The following SLC15A2 variants were observed in gnomAD, a reference collection of about 807,000 sequenced individuals.
SLC15A2 encodes kidney H(+)/peptide cotransporter.
SLC15A2 carries 77 observed loss-of-function variants against 95.5 expected under a neutral mutation model. That is an observed-to-expected ratio of 0.81 (90% CI 0.67 to 0.97). The LOEUF is 0.97. SLC15A2 is among the 50% of genes least tolerant of loss of function. The pLI, the probability that SLC15A2 is intolerant of heterozygous loss-of-function variation, is 0.00. For missense variants in SLC15A2, 893 were observed against 874.4 expected (o/e 1.02, Z -0.27); for synonymous variants, 306 against 306.9 (o/e 1.00, Z 0.03).
At chr3:121,914,495 T>G (rs948528056) in intron 5 of SLC15A2, among the ~76,000 whole-genome samples, 2 of 152,202 alleles carry the variant, frequency 1.3e-5, no homozygotes, top group Non-Finnish European at 2.9e-5. Context: ...CGTTAAGCAC[T>G]AGGTGAACTA....
rs752943810 is a variant in SLC15A2 at position 121,897,414 on chromosome 3, T to C, written c.220T>C (p.Phe74Leu). Residue 74 changes from phenylalanine (F) to leucine (L), a missense_variant, in exon 3 of 22, where the codon TTC becomes CTC. Transcript: ENST00000489711. ...TGTGCTGATCCTGTATTTCCTGTAT[T>C]TCCTGCACTGGAATGAAGATACCTC... is the stretch of plus-strand genomic sequence containing the variant. ...KAVLILYFLY[F>L]LHWNEDTSTS... is the part of the protein sequence containing the mutation. 1 of 1,614,038 alleles carries C rather than the reference T, an allele frequency of 6.2e-7. No homozygotes were observed. The highest frequency in any genetic ancestry group is 8.5e-7 in the Non-Finnish European group (1 of 1,180,008).
At position 121,925,990 on chromosome 3, in the gene SLC15A2, C is replaced by T. The variant is rs116427610; in HGVS notation, c.1124+957C>T. Reference sequence around the variant, plus strand: ...CATTATTTTTGGTGTTATGACATAGCGAATAGAAAAACCATCATAAGCAAA... The same window carrying T: ...CATTATTTTTGGTGTTATGACATAGTGAATAGAAAAACCATCATAAGCAAA... On this transcript the variant is annotated intron_variant, in intron 13 of 21. Transcript: ENST00000489711. Among the ~76,000 whole-genome samples the T allele has an allele frequency of 4.1e-3, 618 of 151,320 alleles. 6 individuals carry two copies. The highest frequency in any genetic ancestry group is 0.014 in the African/African-American group (587 of 41,226).
Position 121,941,013 on chromosome 3 carries a change from C to G in SLC15A2, c.*6C>G, listed in dbSNP as rs1920313. The G allele has an allele frequency of 1.2e-6, 2 of 1,611,388 alleles. No individual in the cohort carries two copies. Among genetic ancestry groups the G allele is most frequent in the East Asian group, 4.5e-5 (2 of 44,884 alleles). On this transcript the variant is annotated 3_prime_UTR_variant, in exon 22 of 22. Transcript: ENST00000489711. ...CCAAGAAGACAAAACTCTGATGACTCCCTAGATTCTGTCCTGACCCCAATT... is the reference window on the plus strand; with the variant it reads ...CCAAGAAGACAAAACTCTGATGACTGCCTAGATTCTGTCCTGACCCCAATT...
chr3:121,904,501 T>G (rs1245051535), intron 3 of SLC15A2, among the ~76,000 whole-genome samples: 3 of 152,216 alleles, frequency 2.0e-5, no homozygotes, highest in Non-Finnish European at 2.9e-5. Flanking sequence ...CATAGATAGC[T>G]CTTATTATTT....
chr3:121,907,037 C>T (rs1212091257), intron 3 of SLC15A2, among the ~76,000 whole-genome samples: 1 of 152,114 alleles, frequency 6.6e-6, no homozygotes, highest in Non-Finnish European at 1.5e-5. Context: ...TTCTTTGAGG[C>T]TTTGTTCATT....
At chr3:121,911,068 G>A (rs1325770211) in intron 3 of SLC15A2, among the ~76,000 whole-genome samples, 1 of 152,194 alleles carries the variant, frequency 6.6e-6, no homozygotes, top group Non-Finnish European at 1.5e-5. Context: ...TGCTTCTTGA[G>A]TTTTGAGGAA....
At chr3:121,900,256 A>G (rs1237813882) in intron 3 of SLC15A2, among the ~76,000 whole-genome samples, 1 of 152,088 alleles carries the variant, frequency 6.6e-6, no homozygotes, top group Non-Finnish European at 1.5e-5. Flanking sequence ...TCAGTTATCA[A>G]ATTCTACCAA....
rs1354798786 is a variant in SLC15A2, at chr3:121,941,968, T to C, written c.*961T>C. ...CAACAATGTTTCTATAAGTCCAACTTCCTTTATTAATGTTTCCATTTAGCC... is the reference window on the plus strand; with the variant it reads ...CAACAATGTTTCTATAAGTCCAACTCCCTTTATTAATGTTTCCATTTAGCC... On this transcript the variant is annotated 3_prime_UTR_variant, in exon 22 of 22. Transcript: ENST00000489711. The C allele has an allele frequency of 6.6e-6, 1 of 152,240 alleles. No homozygotes were observed. Among genetic ancestry groups the C allele is most frequent in the Non-Finnish European group, 1.5e-5 (1 of 68,040 alleles). The allele number at this position is 152,240 out of a possible 1,614,324, so 9.4% of individuals were successfully genotyped here.
intron 5 of SLC15A2, 106 bp from the exon 6 acceptor site, chr3:121,915,121 A>G (rs1709859988): frequency 9.0e-7 from 1 of 1,112,556 alleles, no homozygotes; most frequent in African/African-American, 1.6e-5. Context: ...TGGAGGCAAT[A>G]TCTGAATCTT....
At chr3:121,926,747 C>A (rs1472729394) in intron 13 of SLC15A2, among the ~76,000 whole-genome samples, 2 of 152,236 alleles carry the variant, frequency 1.3e-5, no homozygotes, top group Non-Finnish European at 2.9e-5. Context: ...ATGATAGACC[C>A]ACTGGCAGCT....
At position 121,940,944 on chromosome 3, in the gene SLC15A2, T is replaced by C. The variant is rs140000239; in HGVS notation, c.2127T>C (p.Asp709=). The C allele has an allele frequency of 2.2e-5, 36 of 1,614,078 alleles. No homozygotes were observed. Among genetic ancestry groups the C allele is most frequent in the African/African-American group, 5.3e-5 (4 of 74,948 alleles). ...VKTEDMRGPA[D]KHIPHIQGNM... ...CAGAGGATATGCGGGGTCCAGCAGATAAGCACATTCCTCACATCCAGGGGA... is the reference window on the plus strand; with the variant it reads ...CAGAGGATATGCGGGGTCCAGCAGACAAGCACATTCCTCACATCCAGGGGA... The change falls in exon 22 of 22, where the codon GAT becomes GAC. Residue 709 remains aspartate (D), a synonymous_variant. Coordinates refer to ENST00000489711, the MANE Select transcript of SLC15A2 (RefSeq NM_021082.4).
At chr3:121,938,824 A>G (rs1710403372) in intron 19 of SLC15A2, among the ~76,000 whole-genome samples, 1 of 152,208 alleles carries the variant, frequency 6.6e-6, no homozygotes, top group Non-Finnish European at 1.5e-5. Flanking sequence ...CCTGGCCAAA[A>G]GCAGCAACAC....
At chr3:121,918,523 T>C (rs972421679) in intron 7 of SLC15A2, among the ~76,000 whole-genome samples, 11 of 148,372 alleles carry the variant, frequency 7.4e-5, no homozygotes, top group Non-Finnish European at 1.5e-4. Flanking sequence ...CAATAAACCA[T>C]GAAATGAAGA....
chr3:121,923,156 C>T (rs567122105), intron 10 of SLC15A2, 27 bp downstream of exon 10: 64 of 1,612,594 alleles, frequency 4.0e-5, no homozygotes, highest in South Asian at 1.2e-4. Flanking sequence ...TGGACATTAC[C>T]GCTCCTTACA....
intron 19 of SLC15A2, among the ~76,000 whole-genome samples, chr3:121,937,826 A>G (rs531919504): frequency 5.0e-4 from 76 of 152,168 alleles, no homozygotes; most frequent in African/African-American, 1.8e-3. Flanking sequence ...GTTCCTTTGG[A>G]GGAGGAGAGG....
intron 3 of SLC15A2, among the ~76,000 whole-genome samples, chr3:121,898,975 G>C (rs1317004502): frequency 6.6e-6 from 1 of 152,126 alleles, no homozygotes; most frequent in Non-Finnish European, 1.5e-5. Context: ...ATCTACATTT[G>C]CTACATATGT....
Position 121,941,139 on chromosome 3 carries a change from A to G in SLC15A2, c.*132A>G. On this transcript the variant is annotated 3_prime_UTR_variant, in exon 22 of 22. Transcript: ENST00000489711. ...TCCTCCACCTTTCTCCAATGACAGAAGTTCCAGGACTGGTTTTCCAGTACA... is the reference window on the plus strand; with the variant it reads ...TCCTCCACCTTTCTCCAATGACAGAGGTTCCAGGACTGGTTTTCCAGTACA... 1.3e-6 allele frequency: 1 copy of G among 789,594 alleles called. No individual in the cohort carries two copies. Among genetic ancestry groups the G allele is most frequent in the South Asian group, 2.1e-5 (1 of 46,808 alleles). The allele number at this position is 789,594 out of a possible 1,614,324, so 48.9% of individuals were successfully genotyped here.
chr3:121,912,109 A>G (rs368944607), intron 4 of SLC15A2, among the ~76,000 whole-genome samples: 2 of 152,194 alleles, frequency 1.3e-5, no homozygotes, highest in East Asian at 3.8e-4. Context: ...ATAAATTCTG[A>G]TGTCTGTCTA....
At chr3:121,898,621 C>T (rs1411032567) in intron 3 of SLC15A2, among the ~76,000 whole-genome samples, 1 of 152,168 alleles carries the variant, frequency 6.6e-6, no homozygotes, top group African/African-American at 2.4e-5. Context: ...TGTGGTCAAA[C>T]AAGTTTGGAA....
Sources: allele counts gnomAD v4.1 joint callset (sites outside exome capture counted in the v4.1 genomes callset), GRCh38; gene constraint gnomAD v4.1.1; transcripts MANE v1.5; gene names NCBI Gene and HGNC (gene_info 2026-07-23, HGNC 2026-07-21).